MAPRE2: variants seen among roughly 807,000 people sequenced by gnomAD.
MAPRE2 encodes microtubule associated protein RP/EB family member 2.
Under a neutral mutation model 43.2 loss-of-function variants are expected in MAPRE2, and 13 were observed. The observed-to-expected ratio is 0.30, with a 90% CI of 0.20 to 0.48. MAPRE2 has a LOEUF of 0.48. MAPRE2 is among the 20% of genes least tolerant of loss of function. MAPRE2 has a pLI of 0.99. For missense variants in MAPRE2, 161 were observed against 400.2 expected, an observed-to-expected ratio of 0.40 and a Z score of 5.10; for synonymous variants, 135 against 148.8, an observed-to-expected ratio of 0.91 and a Z score of 0.68.
chr18:35,037,898 G>A (rs1298255384), upstream of MAPRE2, among the ~76,000 whole-genome samples: 1 of 152,186 alleles, frequency 6.6e-6, no homozygotes, highest in Non-Finnish European at 1.5e-5. Flanking sequence ...GCTTATAGGA[G>A]CACAACAGGG....
chr18:35,029,590 C>T lies in MAPRE2; in HGVS notation c.-8+24037C>T, dbSNP rs185921912. On this transcript the variant is annotated intron_variant, in intron 2 of 7. Coordinates refer to the MAPRE2 transcript ENST00000413393. Reference sequence around the variant, plus strand: ...TTTAATATCAAAGTCAGAAATAAAGCCCAGTGAGTTAGTTGATTTTTAAGA... The same window carrying T: ...TTTAATATCAAAGTCAGAAATAAAGTCCAGTGAGTTAGTTGATTTTTAAGA... Among the ~76,000 whole-genome samples the T allele has an allele frequency of 2.2e-4, 33 of 152,278 alleles. No individual in the cohort carries two copies. In the East Asian group the frequency reaches 6.0e-3, roughly 28 times the overall value.
chr18:35,022,638 G>A (rs376437058), intron 2 of MAPRE2, among the ~76,000 whole-genome samples: 7 of 152,240 alleles, frequency 4.6e-5, no homozygotes, highest in Admixed American at 3.9e-4. Flanking sequence ...TGATTCTGGA[G>A]AGGATAAGAA....
chr18:35,120,822 A>C (rs1909634182), intron 4 of MAPRE2, among the ~76,000 whole-genome samples: 1 of 152,198 alleles, frequency 6.6e-6, no homozygotes, highest in Non-Finnish European at 1.5e-5. Flanking sequence ...ATCCACAATG[A>C]ATCAATACAG....
chr18:35,062,568 A>G (rs766989948), intron 1 of MAPRE2, among the ~76,000 whole-genome samples: 4 of 152,240 alleles, frequency 2.6e-5, no homozygotes, highest in Admixed American at 6.5e-5. Context: ...ACTCTGTGAA[A>G]TGAGAACTGA....
chr18:35,094,354 T>C (rs1297739734), intron 2 of MAPRE2, among the ~76,000 whole-genome samples: 4 of 152,118 alleles, frequency 2.6e-5, no homozygotes, highest in Non-Finnish European at 5.9e-5. Context: ...ATGATAAAAT[T>C]TAGGAAAATT....
intron 5 of MAPRE2, among the ~76,000 whole-genome samples, chr18:35,130,156 G>A (rs530044441): frequency 2.6e-5 from 4 of 151,996 alleles, no homozygotes; most frequent in Non-Finnish European, 5.9e-5. Flanking sequence ...GGGCTGGGGG[G>A]GGGTGGCACA....
At chr18:35,022,244 G>C (rs537008216) in intron 2 of MAPRE2, among the ~76,000 whole-genome samples, 1 of 152,030 alleles carries the variant, frequency 6.6e-6, no homozygotes, top group Non-Finnish European at 1.5e-5. Flanking sequence ...ACTAATGAAA[G>C]AATCCAATTA....
At chr18:34,981,881 T>A (rs1292409078) in intron 1 of MAPRE2, among the ~76,000 whole-genome samples, 4 of 34,250 alleles carry the variant, frequency 1.2e-4, no homozygotes, top group Admixed American at 3.5e-4. Flanking sequence ...TTTTTTATTT[T>A]TATTTATTTT....
intron 4 of MAPRE2, among the ~76,000 whole-genome samples, chr18:35,108,736 T>C (rs574611409): frequency 9.2e-5 from 14 of 152,214 alleles, no homozygotes; most frequent in Admixed American, 3.9e-4. Context: ...GTTGAGCTTT[T>C]TTTTTTTTTC....
At chr18:35,117,622 C>T (rs1909473169) in intron 4 of MAPRE2, among the ~76,000 whole-genome samples, 1 of 152,134 alleles carries the variant, frequency 6.6e-6, no homozygotes, top group Admixed American at 6.5e-5. Context: ...GCTCTGTCAC[C>T]ATCTTCCCCT....
chr18:35,011,828 G>A (rs937746568), intron 2 of MAPRE2, among the ~76,000 whole-genome samples: 18 of 152,160 alleles, frequency 1.2e-4, no homozygotes, highest in Non-Finnish European at 2.6e-4. Context: ...TTCATCTAGC[G>A]AACACACAGT....
chr18:35,038,273 C>T (rs148791064), upstream of MAPRE2, among the ~76,000 whole-genome samples: 565 of 152,300 alleles, frequency 3.7e-3, 3 homozygotes, highest in African/African-American at 0.01. Context: ...CCTTACAGGA[C>T]GGACAGAAAC....
chr18:35,055,732 C>T (rs2150609134), intron 1 of MAPRE2, among the ~76,000 whole-genome samples: 1 of 152,240 alleles, frequency 6.6e-6, no homozygotes, highest in South Asian at 2.1e-4. Context: ...GTGGGCGGAT[C>T]ATGAGGTTAG....
intron 1 of MAPRE2, among the ~76,000 whole-genome samples, chr18:34,997,609 A>G (rs1190699204): frequency 1.3e-5 from 2 of 152,208 alleles, no homozygotes; most frequent in Non-Finnish European, 2.9e-5. Context: ...TGAGGTAAAG[A>G]GTTCGAGACT....
intron 4 of MAPRE2, among the ~76,000 whole-genome samples, chr18:35,121,459 T>C (rs972874576): frequency 2.0e-5 from 3 of 152,258 alleles, no homozygotes; most frequent in Non-Finnish European, 4.4e-5. Context: ...ACAGAATTTA[T>C]GCTTTTTTCC....
rs912683624 is a variant in MAPRE2, at chr18:35,034,017, A to C, written c.-8+28464A>C. Among the ~76,000 whole-genome samples, 9 of 152,040 alleles carry C rather than the reference A, an allele frequency of 5.9e-5. No individual in the cohort carries two copies. The East Asian group carries it at 1.2e-3, about 20-fold the overall frequency. On this transcript the variant is annotated intron_variant, in intron 2 of 7. Transcript: ENST00000413393. Reference sequence around the variant, plus strand: ...TCACAGAATTGGAAAAAACTACTTTAAAGTTCATATGGAACCAAAAAAGAG... The same window carrying C: ...TCACAGAATTGGAAAAAACTACTTTCAAGTTCATATGGAACCAAAAAAGAG...
At chr18:35,077,231 ACG>A (rs948052437) in intron 2 of MAPRE2, among the ~76,000 whole-genome samples, 14 of 142,116 alleles carry the variant, frequency 9.9e-5, no homozygotes, top group African/African-American at 3.0e-4. Context: ...TCTCACAGAT[ACG>A]CGCGCGTGCG....
At chr18:35,104,873 A>C (rs1347673037) in intron 4 of MAPRE2, among the ~76,000 whole-genome samples, 1 of 152,138 alleles carries the variant, frequency 6.6e-6, no homozygotes, top group Non-Finnish European at 1.5e-5. Context: ...GATATTTCTC[A>C]TCTTAATGTC....
intron 1 of MAPRE2, among the ~76,000 whole-genome samples, chr18:35,062,549 C>T (rs1033860350): frequency 6.6e-6 from 1 of 152,210 alleles, no homozygotes; most frequent in African/African-American, 2.4e-5. Flanking sequence ...AAACCTTTAA[C>T]CAGGAACAAC....
Sources: gnomAD v4.1 joint callset for allele counts (sites outside exome capture counted in the v4.1 genomes callset) on GRCh38, gnomAD v4.1.1 for gene constraint, MANE v1.5 for transcripts, NCBI Gene and HGNC (gene_info 2026-07-23, HGNC 2026-07-21) for gene names.